The following RBFOX1 variants were observed in gnomAD, a reference collection of about 807,000 sequenced individuals.
RBFOX1 encodes the protein RNA binding fox-1 homolog 1.
A neutral mutation model predicts 57.7 loss-of-function variants in RBFOX1; 8 were observed. That is an observed-to-expected ratio of 0.14 (90% CI 0.08 to 0.25). RBFOX1 has a LOEUF of 0.25. Among genes scored for constraint, RBFOX1 ranks in the 10% least tolerant of loss-of-function variants. The pLI is 1.00. For missense variants in RBFOX1, 611 were observed against 548.5 expected, an observed-to-expected ratio of 1.11 and a Z score of -1.14; for synonymous variants, 326 against 222.4, an observed-to-expected ratio of 1.47 and a Z score of -4.15.
intron 4 of RBFOX1, among the ~76,000 whole-genome samples, chr16:5,884,913 A>C (rs2057859342): frequency 6.6e-6 from 1 of 152,132 alleles, no homozygotes; most frequent in Admixed American, 6.5e-5. Context: ...TGCACTCAGA[A>C]TCTCTTTAGA....
chr16:5,660,294 G>C (rs1567360908), intron 3 of RBFOX1, among the ~76,000 whole-genome samples: 1 of 152,256 alleles, frequency 6.6e-6, no homozygotes, highest in East Asian at 1.9e-4. Context: ...GATCCCTGTT[G>C]AGTCTTTGTG....
intron 1 of RBFOX1, among the ~76,000 whole-genome samples, chr16:6,299,054 G>A (rs2078477816): frequency 6.6e-6 from 1 of 152,150 alleles, no homozygotes; most frequent in South Asian, 2.1e-4. Flanking sequence ...CTGTTCCCAG[G>A]TAAAAGGCAT....
At chr16:6,536,780 A>G (rs1436987441) in intron 2 of RBFOX1, among the ~76,000 whole-genome samples, 1 of 152,266 alleles carries the variant, frequency 6.6e-6, no homozygotes, top group East Asian at 1.9e-4. Flanking sequence ...ACAATACAAG[A>G]AGTTAGTAAC....
Position 7,165,959 on chromosome 16 carries a change from C to CAT in RBFOX1, c.27+113862_27+113863insTA, listed in dbSNP as rs1373361673. Among the ~76,000 whole-genome samples the CAT allele has an allele frequency of 4.1e-4, 31 of 75,596 alleles. No individual in the cohort carries two copies. The East Asian group carries it at 6.1e-3, about 15-fold the overall frequency. The allele number at this position is 75,596 out of a possible 152,430, so 49.6% of individuals were successfully genotyped here. Reference sequence around the variant, plus strand: ...ACACACACACACACACACACACACACACACACATACATACATACACCCCAG... The same window carrying CAT: ...ACACACACACACACACACACACACACATACACACATACATACATACACCCCAG... On this transcript the variant is annotated intron_variant, in intron 4 of 15. Coordinates refer to ENST00000550418, the MANE Select transcript of RBFOX1 (RefSeq NM_018723.4).
At chr16:7,550,095 A>G (rs928348073) in intron 5 of RBFOX1, among the ~76,000 whole-genome samples, 9 of 149,986 alleles carry the variant, frequency 6.0e-5, no homozygotes, top group Admixed American at 5.9e-4. Context: ...ATGCCTGGCT[A>G]ATTTTTTAAT....
At chr16:5,861,410 A>G (rs1317332258) in intron 3 of RBFOX1, among the ~76,000 whole-genome samples, 2 of 152,196 alleles carry the variant, frequency 1.3e-5, no homozygotes, top group Admixed American at 6.5e-5. Context: ...GATTGGGACA[A>G]AGATGATGAT....
chr16:6,959,636 G>A (rs916067098), intron 3 of RBFOX1, among the ~76,000 whole-genome samples: 1 of 152,208 alleles, frequency 6.6e-6, no homozygotes, highest in East Asian at 1.9e-4. Flanking sequence ...GAGTGGTTAC[G>A]TTAAATATTA....
intron 3 of RBFOX1, chr16:5,632,405 C>T (rs946004718): frequency 6.6e-6 from 1 of 152,184 alleles, no homozygotes; most frequent in African/African-American, 2.4e-5. Context: ...CTAATAGCTA[C>T]CCTGTATGTT....
At chr16:6,167,277 C>G (rs1305541096) in intron 1 of RBFOX1, among the ~76,000 whole-genome samples, 1 of 152,186 alleles carries the variant, frequency 6.6e-6, no homozygotes, top group Non-Finnish European at 1.5e-5. Context: ...TCTTTCTTAC[C>G]TTTCCAAATT....
chr16:6,941,285 T>C (rs1597880618), intron 3 of RBFOX1, among the ~76,000 whole-genome samples: 1 of 60,934 alleles, frequency 1.6e-5, no homozygotes, highest in Non-Finnish European at 2.7e-5. Flanking sequence ...CTCCCTTCCC[T>C]CCTTCCCTCC....
At chr16:5,387,671 G>A (rs996437231) in intron 1 of RBFOX1, among the ~76,000 whole-genome samples, 4 of 152,150 alleles carry the variant, frequency 2.6e-5, no homozygotes, top group African/African-American at 9.7e-5. Context: ...GTGGATGTCT[G>A]GCATGAAAGG....
chr16:5,777,590 G>A (rs1322794343), intron 3 of RBFOX1, among the ~76,000 whole-genome samples: 1 of 152,164 alleles, frequency 6.6e-6, no homozygotes, highest in African/African-American at 2.4e-5. Context: ...TGGTCTTCGA[G>A]CAGGTCACTC....
rs188294434 is a variant in RBFOX1 at position 6,344,057 on chromosome 16, G to A, written c.-64+27000G>A. Among the ~76,000 whole-genome samples, 8 of 152,166 alleles carry A rather than the reference G, an allele frequency of 5.3e-5. No homozygotes were observed. In the East Asian group the frequency reaches 7.8e-4, roughly 15 times the overall value. On this transcript the variant is annotated intron_variant, in intron 2 of 15. Coordinates refer to ENST00000550418, the MANE Select transcript of RBFOX1 (RefSeq NM_018723.4). ...CAGTCCTTCTTCATCTCTATTTCTC[G>A]TACCCAGTGCCACCTGATATGCATC...
intron 3 of RBFOX1, among the ~76,000 whole-genome samples, chr16:7,017,309 G>T (rs1466800442): frequency 6.6e-6 from 1 of 152,116 alleles, no homozygotes; most frequent in African/African-American, 2.4e-5. Flanking sequence ...AATTTATAGT[G>T]TACTATAGAT....
At chr16:5,617,082 A>G (rs759750216) in intron 3 of RBFOX1, among the ~76,000 whole-genome samples, 5 of 151,330 alleles carry the variant, frequency 3.3e-5, no homozygotes, top group Non-Finnish European at 5.9e-5. Context: ...CTAGCCATCC[A>G]TTCCCTCCCT....
intron 1 of RBFOX1, among the ~76,000 whole-genome samples, chr16:5,297,325 A>G (rs2063694167): frequency 6.6e-6 from 1 of 152,208 alleles, no homozygotes; most frequent in African/African-American, 2.4e-5. Context: ...GAATCTCTGT[A>G]CTATTTTCCA....
At chr16:7,014,454 C>G (rs919444826) in intron 3 of RBFOX1, among the ~76,000 whole-genome samples, 12 of 151,198 alleles carry the variant, frequency 7.9e-5, no homozygotes, top group African/African-American at 2.9e-4. Flanking sequence ...ACCATGTTGG[C>G]CAGGCTGATC....
chr16:6,437,867 C>T (rs984330046), intron 2 of RBFOX1, among the ~76,000 whole-genome samples: 20 of 152,164 alleles, frequency 1.3e-4, no homozygotes, highest in Non-Finnish European at 2.2e-4. Flanking sequence ...AGTCACGTCC[C>T]ACCAGCTCCC....
intron 4 of RBFOX1, among the ~76,000 whole-genome samples, chr16:5,980,840 CTT>C (rs2060157287): frequency 6.8e-6 from 1 of 148,012 alleles, no homozygotes; most frequent in Non-Finnish European, 1.5e-5. Context: ...GGCTCAGACA[CTT>C]TGTCGGGCAA....
Sources: gnomAD v4.1 joint callset for allele counts (sites outside exome capture counted in the v4.1 genomes callset) on GRCh38, gnomAD v4.1.1 for gene constraint, MANE v1.5 for transcripts, NCBI Gene and HGNC (gene_info 2026-07-23, HGNC 2026-07-21) for gene names.